MSRA: variants seen among roughly 807,000 people sequenced by gnomAD.
MSRA encodes methionine sulfoxide reductase A.
A neutral mutation model predicts 31.3 loss-of-function variants in MSRA; 54 were observed. The ratio of observed to expected loss-of-function variants is 1.73; its 90% CI spans 1.39 to 2.17. The LOEUF is 2.17. Ranked by LOEUF, MSRA falls within the 30% of genes most tolerant of loss-of-function variation. The probability of loss-of-function intolerance (pLI) is 0.00; values close to 1 mark genes in which losing one functional copy is unlikely to be tolerated. For missense variants in MSRA, 507 were observed against 300.9 expected (o/e 1.69, Z -5.07); for synonymous variants, 169 against 116.5 (o/e 1.45, Z -2.90).
chr8:10,189,172 C>G (rs1229102679), intron 1 of MSRA, among the ~76,000 whole-genome samples: 1 of 152,142 alleles, frequency 6.6e-6, no homozygotes, highest in Admixed American at 6.5e-5. Context: ...TCATTTGTTG[C>G]TACTATGTAA....
At chr8:10,170,297 T>G (rs1446742202) in intron 1 of MSRA, among the ~76,000 whole-genome samples, 1 of 152,142 alleles carries the variant, frequency 6.6e-6, no homozygotes, top group East Asian at 1.9e-4. Flanking sequence ...GATGATTAAG[T>G]CATAAGGGTG....
rs564569717 is a variant in MSRA, at chr8:10,202,528, C to T, written c.143-5305C>T. 2.0e-5 allele frequency among the ~76,000 whole-genome samples: 3 copies of T among 152,198 alleles called. No homozygotes were observed. In the South Asian group the frequency reaches 6.2e-4, roughly 32 times the overall value. On this transcript the variant is annotated intron_variant, in intron 1 of 5. Coordinates refer to ENST00000317173, the MANE Select transcript of MSRA (RefSeq NM_012331.5). The stretch of plus-strand genomic sequence containing the variant: ...GCAATGGCAAAATGATTTCATCACA[C>T]ATGATGCCTCTAAGCGATGAGACTC...
At chr8:10,236,327 G>A (rs560425226) in intron 2 of MSRA, among the ~76,000 whole-genome samples, 2 of 152,236 alleles carry the variant, frequency 1.3e-5, no homozygotes, top group South Asian at 4.1e-4. Context: ...CATTTGTACA[G>A]AATATAACTT....
At chr8:10,413,448 T>G (rs11250004) in intron 5 of MSRA, among the ~76,000 whole-genome samples, 76,122 of 152,074 alleles carry the variant, frequency 0.5, 20,926 homozygotes, top group Non-Finnish European at 0.63. Context: ...GCAGGACATC[T>G]GATTTCCAGA....
intron 5 of MSRA, chr8:10,326,555 G>C (rs904601947): frequency 1.3e-5 from 2 of 152,184 alleles, no homozygotes; most frequent in Non-Finnish European, 2.9e-5. Context: ...CCTTGAACAT[G>C]CTGGATTCTG....
intron 3 of MSRA, among the ~76,000 whole-genome samples, chr8:10,298,310 G>T (rs1800652480): frequency 6.6e-6 from 1 of 152,162 alleles, no homozygotes; most frequent in Admixed American, 6.5e-5. Flanking sequence ...AGAAAATTCA[G>T]ACACATGCAA....
chr8:10,384,516 G>T (rs1427010980), intron 5 of MSRA, among the ~76,000 whole-genome samples: 5 of 152,174 alleles, frequency 3.3e-5, no homozygotes, highest in African/African-American at 1.2e-4. Flanking sequence ...CTCAACTCTG[G>T]CTGCTCATTG....
At chr8:10,117,904 C>G (rs879278104) in intron 1 of MSRA, among the ~76,000 whole-genome samples, 3 of 152,182 alleles carry the variant, frequency 2.0e-5, no homozygotes, top group Non-Finnish European at 4.4e-5. Flanking sequence ...TTGCCCAAAT[C>G]AACACAAATG....
chr8:10,225,331 G>C (rs1260558410), intron 2 of MSRA, among the ~76,000 whole-genome samples: 1 of 152,104 alleles, frequency 6.6e-6, no homozygotes, highest in East Asian at 1.9e-4. Flanking sequence ...TATGGGATAA[G>C]GTTTATCGCC....
intron 2 of MSRA, among the ~76,000 whole-genome samples, chr8:10,213,028 A>G (rs951040604): frequency 6.6e-6 from 1 of 152,166 alleles, no homozygotes; most frequent in Non-Finnish European, 1.5e-5. Flanking sequence ...TTTATCCTTT[A>G]TGTTACAAAC....
chr8:10,105,083 C>T (rs1018467177), intron 1 of MSRA, among the ~76,000 whole-genome samples: 3 of 152,122 alleles, frequency 2.0e-5, no homozygotes, highest in Non-Finnish European at 4.4e-5. Flanking sequence ...CTTTTCTGTG[C>T]ATTCTGTATT....
chr8:10,131,757 C>A (rs1007057084), intron 1 of MSRA, among the ~76,000 whole-genome samples: 1 of 152,204 alleles, frequency 6.6e-6, no homozygotes, highest in Non-Finnish European at 1.5e-5. Context: ...ACTGGGGACT[C>A]TGTCGCTGCC....
At chr8:10,061,704 C>G (rs1389189092) in intron 1 of MSRA, among the ~76,000 whole-genome samples, 1 of 152,092 alleles carries the variant, frequency 6.6e-6, no homozygotes, top group African/African-American at 2.4e-5. Flanking sequence ...TTTCGTGTGA[C>G]CATCATGATA....
rs376984325 is a variant in MSRA at position 10,066,814 on chromosome 8, T to G, written c.142+12156T>G. 1.8e-3 allele frequency among the ~76,000 whole-genome samples: 276 copies of G among 152,196 alleles called. 5 individuals carry two copies. The South Asian group carries it at 0.055, about 31-fold the overall frequency. ...CCTCCCAAAGTGCTGGGATTACAGGTGTGAGCTGCTGCACCTGGCTCAGCT... is the reference window on the plus strand; with the variant it reads ...CCTCCCAAAGTGCTGGGATTACAGGGGTGAGCTGCTGCACCTGGCTCAGCT... On this transcript the variant is annotated intron_variant, in intron 1 of 5. Coordinates refer to ENST00000317173, the MANE Select transcript of MSRA (RefSeq NM_012331.5).
chr8:10,166,830 C>G (rs998753082), intron 1 of MSRA, among the ~76,000 whole-genome samples: 3 of 152,112 alleles, frequency 2.0e-5, no homozygotes, highest in African/African-American at 7.2e-5. Context: ...ATGGACTTAC[C>G]CCAGAATTGC....
At chr8:10,412,425 G>C (rs545384501) in intron 5 of MSRA, among the ~76,000 whole-genome samples, 1 of 152,356 alleles carries the variant, frequency 6.6e-6, no homozygotes, top group Non-Finnish European at 1.5e-5. Context: ...AGCTACATGG[G>C]AATGAATGTG....
At chr8:10,314,560 G>A (rs979803110) in intron 4 of MSRA, among the ~76,000 whole-genome samples, 1 of 152,238 alleles carries the variant, frequency 6.6e-6, no homozygotes, top group African/African-American at 2.4e-5. Flanking sequence ...ATGTGGTTTT[G>A]TAAATTGGTA....
chr8:10,186,264 T>C (rs1807046023), intron 1 of MSRA, among the ~76,000 whole-genome samples: 1 of 152,128 alleles, frequency 6.6e-6, no homozygotes, highest in South Asian at 2.1e-4. Context: ...GCAAACATTT[T>C]CTATAAAGGG....
intron 1 of MSRA, among the ~76,000 whole-genome samples, chr8:10,141,093 A>C (rs964456877): frequency 1.3e-5 from 2 of 152,220 alleles, no homozygotes; most frequent in African/African-American, 4.8e-5. Flanking sequence ...AAGGCACTCA[A>C]ATCCAACAAA....
Sources: gnomAD v4.1 joint callset for allele counts (sites outside exome capture counted in the v4.1 genomes callset) on GRCh38, gnomAD v4.1.1 for gene constraint, MANE v1.5 for transcripts, NCBI Gene and HGNC (gene_info 2026-07-23, HGNC 2026-07-21) for gene names.